Variants in MYO1D observed in about 807,000 individuals in gnomAD.
MYO1D encodes the protein myosin ID, also known as unconventional myosin-Id.
In MYO1D, 83 loss-of-function variants were observed where a neutral mutation model predicts 122.0. The observed-to-expected ratio is 0.68, with a 90% CI of 0.57 to 0.82. The LOEUF (loss-of-function observed/expected upper bound fraction) is 0.82. MYO1D is among the 40% of genes least tolerant of loss of function. MYO1D has a pLI of 0.00. For synonymous variants in MYO1D, 464 were observed against 446.9 expected (o/e 1.04, Z -0.48); for missense variants, 1,157 against 1,269.5 (o/e 0.91, Z 1.35).
intron 15 of MYO1D, among the ~76,000 whole-genome samples, chr17:32,715,471 C>T (rs2089432206): frequency 6.6e-6 from 1 of 152,024 alleles, no homozygotes; most frequent in African/African-American, 2.4e-5. Flanking sequence ...ACAGCATGCT[C>T]TCCTTCTGCC....
intron 1 of MYO1D, 121 bp from the exon 2 acceptor site, chr17:32,780,905 C>T (rs1028260418): frequency 3.5e-5 from 33 of 955,740 alleles, no homozygotes; most frequent in East Asian, 7.8e-5. Context: ...TCTGAACTGA[C>T]GTTTCATTGG....
At chr17:32,806,315 T>C (rs2090512134) in intron 1 of MYO1D, among the ~76,000 whole-genome samples, 1 of 152,136 alleles carries the variant, frequency 6.6e-6, no homozygotes, top group Non-Finnish European at 1.5e-5. Context: ...CCTAAGGTGT[T>C]ATGTTGTTTG....
At chr17:32,732,811 A>T (rs1362297750) in intron 14 of MYO1D, among the ~76,000 whole-genome samples, 2 of 152,184 alleles carry the variant, frequency 1.3e-5, no homozygotes, top group Non-Finnish European at 2.9e-5. Context: ...GTGAAGAGAG[A>T]AGGAGAAGAG....
At chr17:32,723,325 A>AT (rs375756257) in intron 14 of MYO1D, among the ~76,000 whole-genome samples, 38 of 152,256 alleles carry the variant, frequency 2.5e-4, no homozygotes, top group African/African-American at 8.2e-4. Context: ...CTGTCCTTTA[A>AT]TTTTTTAGAT....
chr17:32,672,813 G>A (rs1423940789), intron 16 of MYO1D, among the ~76,000 whole-genome samples: 1 of 152,022 alleles, frequency 6.6e-6, no homozygotes, highest in African/African-American at 2.4e-5. Context: ...CATCAGCACA[G>A]TTTTCATTGT....
intron 21 of MYO1D, among the ~76,000 whole-genome samples, chr17:32,588,700 C>T (rs962628713): frequency 2.0e-5 from 3 of 152,060 alleles, no homozygotes; most frequent in Admixed American, 6.6e-5. Context: ...CTGTAATCTC[C>T]GAACTTTGGG....
chr17:32,553,874 G>A (rs932551942), intron 21 of MYO1D, among the ~76,000 whole-genome samples: 52 of 152,240 alleles, frequency 3.4e-4, no homozygotes, highest in African/African-American at 1.1e-3. Flanking sequence ...CTGGGGTCCA[G>A]GCTCCCCGTT....
chr17:32,807,927 A>G (rs1279531318), intron 1 of MYO1D, among the ~76,000 whole-genome samples: 7 of 152,170 alleles, frequency 4.6e-5, no homozygotes, highest in Non-Finnish European at 7.3e-5. Flanking sequence ...AAATAACAGC[A>G]TAGATATGTT....
intron 13 of MYO1D, among the ~76,000 whole-genome samples, chr17:32,741,871 C>A (rs935960512): frequency 6.6e-6 from 1 of 151,748 alleles, no homozygotes; most frequent in Non-Finnish European, 1.5e-5. Flanking sequence ...AAAAATTAGC[C>A]GGGCGTGGTG....
intron 1 of MYO1D, among the ~76,000 whole-genome samples, chr17:32,845,000 A>T (rs1285398870): frequency 6.6e-6 from 1 of 152,060 alleles, no homozygotes; most frequent in Non-Finnish European, 1.5e-5. Flanking sequence ...AATGCAGCTT[A>T]AGGCAACATA....
At chr17:32,662,208 A>G (rs1597983060) in intron 16 of MYO1D, among the ~76,000 whole-genome samples, 1 of 152,144 alleles carries the variant, frequency 6.6e-6, no homozygotes, top group African/African-American at 2.4e-5. Context: ...CCCCACGCCC[A>G]GTAGCTTTCA....
chr17:32,652,978 A>G (rs2088415511), intron 19 of MYO1D, among the ~76,000 whole-genome samples: 1 of 152,084 alleles, frequency 6.6e-6, no homozygotes, highest in Admixed American at 6.6e-5. Flanking sequence ...CGTCTCTACT[A>G]AAGAATACAA....
chr17:32,749,274 A>G (rs745834749), intron 11 of MYO1D, among the ~76,000 whole-genome samples: 4 of 152,216 alleles, frequency 2.6e-5, no homozygotes, highest in Non-Finnish European at 4.4e-5. Flanking sequence ...TGGCTGTTCT[A>G]GGCCCAAACT....
At chr17:32,602,504 A>T (rs1365583444) in intron 21 of MYO1D, 2 of 152,134 alleles carry the variant, frequency 1.3e-5, no homozygotes, top group Non-Finnish European at 2.9e-5. Flanking sequence ...AGGGCCAATT[A>T]TTCCCCCCTA....
intron 20 of MYO1D, 112 bp downstream of exon 20, chr17:32,638,610 T>C (rs781762498): frequency 1.8e-5 from 11 of 620,496 alleles, no homozygotes; most frequent in Admixed American, 8.4e-5. Flanking sequence ...TTTCAGGAAT[T>C]CATGGGCATC....
intron 1 of MYO1D, among the ~76,000 whole-genome samples, chr17:32,797,312 T>C (rs1481539577): frequency 6.6e-6 from 1 of 152,224 alleles, no homozygotes; most frequent in Non-Finnish European, 1.5e-5. Flanking sequence ...ATCCCACTTT[T>C]CATAACATGT....
intron 16 of MYO1D, among the ~76,000 whole-genome samples, chr17:32,664,488 A>C (rs1023146612): frequency 3.3e-5 from 5 of 152,214 alleles, no homozygotes; most frequent in Middle Eastern, 3.2e-3. Context: ...TGAGAGGTTC[A>C]ACAAACAAGG....
chr17:32,539,500 G>A (rs1389915590), intron 21 of MYO1D, among the ~76,000 whole-genome samples: 1 of 152,092 alleles, frequency 6.6e-6, no homozygotes, highest in Admixed American at 6.6e-5. Context: ...CAAAGTGTGA[G>A]CAGGGCCATG....
intron 1 of MYO1D, among the ~76,000 whole-genome samples, chr17:32,876,477 C>A (rs769997233): frequency 4.6e-5 from 7 of 152,146 alleles, no homozygotes; most frequent in Non-Finnish European, 8.8e-5. Context: ...AGCGCGCCCT[C>A]CCGCGCGGCA....
Sources: allele counts gnomAD v4.1 joint callset (sites outside exome capture counted in the v4.1 genomes callset), GRCh38; gene constraint gnomAD v4.1.1; transcripts MANE v1.5; gene names NCBI Gene and HGNC (gene_info 2026-07-23, HGNC 2026-07-21).